S100Z: variants seen among roughly 807,000 people sequenced by gnomAD.
The protein encoded by S100Z is S100 calcium binding protein Z.
Under a neutral mutation model 8.5 loss-of-function variants are expected in S100Z, and 11 were observed. That is an observed-to-expected ratio of 1.30 (90% CI 0.82 to 2.15). S100Z has a LOEUF of 2.15. S100Z is among the 30% of genes most tolerant of loss of function. The probability of loss-of-function intolerance (pLI) is 0.00; values close to 1 mark genes in which losing one functional copy is unlikely to be tolerated. For synonymous variants in S100Z, 34 were observed against 43.8 expected (o/e 0.78, Z 0.89); for missense variants, 126 against 117.9 (o/e 1.07, Z -0.32).
intron 1 of S100Z, among the ~76,000 whole-genome samples, chr5:76,865,173 G>A (rs74416490): frequency 0.014 from 2,187 of 152,032 alleles, 62 homozygotes; most frequent in African/African-American, 0.05. Context: ...ATGTAGAGAC[G>A]GAACACAGCA....
chr5:76,935,101 C>T, the S100Z span, among the ~76,000 whole-genome samples: 1 of 152,088 alleles, frequency 6.6e-6, no homozygotes, highest in African/African-American at 2.4e-5. Flanking sequence ...AATGTAGCAT[C>T]TCAATGTCTG....
intron 4 of S100Z, among the ~76,000 whole-genome samples, chr5:76,899,145 G>C (rs1744146412): frequency 6.6e-6 from 1 of 151,970 alleles, no homozygotes; most frequent in South Asian, 2.1e-4. Flanking sequence ...GTTTCTCCAG[G>C]CTGGCCTTGA....
intron 4 of S100Z, among the ~76,000 whole-genome samples, chr5:76,902,366 A>G (rs1744256730): frequency 6.6e-6 from 1 of 152,182 alleles, no homozygotes. Context: ...GCTCTGCTGA[A>G]TTTGATCCAG....
Position 76,910,706 on chromosome 5 carries a change from C to T in S100Z, c.*3-10011C>T, listed in dbSNP as rs183192564. Among the ~76,000 whole-genome samples the T allele has an allele frequency of 9.2e-5, 14 of 152,272 alleles. No individual in the cohort carries two copies. The East Asian group carries it at 2.3e-3, about 25-fold the overall frequency. On this transcript the variant is annotated intron_variant, in intron 4 of 4. Coordinates refer to ENST00000317593, the MANE Select transcript of S100Z (RefSeq NM_130772.4). ...GGACTGAGGGTGCCTGGGGCAAGCG[C>T]CAGCTCATGTCATCACCCTCACTGA...
chr5:76,867,244 C>T (rs1354376555), intron 1 of S100Z, among the ~76,000 whole-genome samples: 1 of 152,148 alleles, frequency 6.6e-6, no homozygotes, highest in Admixed American at 6.5e-5. Flanking sequence ...TTCTGAGGTC[C>T]GTCCCTCCCA....
chr5:76,922,418 G>A (rs1745063976), downstream of S100Z, among the ~76,000 whole-genome samples: 2 of 152,178 alleles, frequency 1.3e-5, no homozygotes, highest in African/African-American at 2.4e-5. Flanking sequence ...AAAATAAGAT[G>A]ACCTTTGTTC....
chr5:76,884,340 T>G (rs937449734), intron 4 of S100Z, among the ~76,000 whole-genome samples: 2 of 152,214 alleles, frequency 1.3e-5, no homozygotes, highest in Non-Finnish European at 2.9e-5. Flanking sequence ...GGAATCTGCC[T>G]GATAGTTCCA....
chr5:76,937,595 TA>T, the S100Z span, among the ~76,000 whole-genome samples: 26 of 149,284 alleles, frequency 1.7e-4, no homozygotes, highest in Admixed American at 4.0e-4. Context: ...GTCTCTACCA[TA>T]AAAAAAAATA....
At position 76,893,690 on chromosome 5, in the gene S100Z, A is replaced by T. The variant is rs138389285; in HGVS notation, c.*2+15856A>T. Among the ~76,000 whole-genome samples the T allele has an allele frequency of 4.2e-3, 646 of 152,306 alleles. 4 individuals are homozygous for T. The highest frequency in any genetic ancestry group is 0.015 in the African/African-American group (616 of 41,570). ...ATACTCCCCTCGCCCTGAGGAAAAC[A>T]CTTTCTTAGGGACTAAAAAGAGATT... On this transcript the variant is annotated intron_variant, in intron 4 of 4. Coordinates refer to ENST00000317593, the MANE Select transcript of S100Z (RefSeq NM_130772.4).
At chr5:76,858,438 G>A (rs536849978) in intron 1 of S100Z, among the ~76,000 whole-genome samples, 14 of 152,168 alleles carry the variant, frequency 9.2e-5, no homozygotes, top group East Asian at 3.9e-4. Flanking sequence ...CAGGAGGATC[G>A]CTTGAACCTG....
chr5:76,945,256 G>A, the S100Z span, among the ~76,000 whole-genome samples: 1 of 152,156 alleles, frequency 6.6e-6, no homozygotes, highest in Non-Finnish European at 1.5e-5. Flanking sequence ...GAAAGCTGCA[G>A]GGACCTCTGC....
intron 1 of S100Z, among the ~76,000 whole-genome samples, chr5:76,860,463 T>A (rs1318001654): frequency 6.6e-6 from 1 of 152,150 alleles, no homozygotes; most frequent in Non-Finnish European, 1.5e-5. Flanking sequence ...CCCGACCCTC[T>A]CAGCTGCTCA....
the S100Z span, among the ~76,000 whole-genome samples, chr5:76,929,305 G>A: frequency 6.6e-6 from 1 of 152,182 alleles, no homozygotes. Flanking sequence ...TTGCAAATGA[G>A]GCTTTGATTT....
chr5:76,887,997 T>G (rs2150657138), intron 4 of S100Z, among the ~76,000 whole-genome samples: 1 of 152,014 alleles, frequency 6.6e-6, no homozygotes, highest in East Asian at 2.0e-4. Context: ...GTGGCTCACA[T>G]CTGTAATCCC....
At chr5:76,928,916 A>T in the S100Z span, among the ~76,000 whole-genome samples, 2 of 152,142 alleles carry the variant, frequency 1.3e-5, no homozygotes, top group East Asian at 3.9e-4. Context: ...ATTTTTAAAC[A>T]TTTTTCGTAG....
the S100Z span, among the ~76,000 whole-genome samples, chr5:76,935,279 T>G: frequency 2.0e-5 from 3 of 152,218 alleles, no homozygotes; most frequent in Non-Finnish European, 4.4e-5. Flanking sequence ...TTAGCTAAAA[T>G]TATTTGCATA....
chr5:76,909,285 G>A (rs1053445747), intron 4 of S100Z, among the ~76,000 whole-genome samples: 3 of 152,076 alleles, frequency 2.0e-5, no homozygotes, highest in Non-Finnish European at 4.4e-5. Context: ...AAGCCAATGG[G>A]ACCAATTTGA....
chr5:76,851,728 C>T (rs1370846910), intron 1 of S100Z, among the ~76,000 whole-genome samples: 1 of 152,060 alleles, frequency 6.6e-6, no homozygotes, highest in Non-Finnish European at 1.5e-5. Context: ...GTCCTGTGGT[C>T]AGTTTATTTA....
chr5:76,943,458 A>G, the S100Z span, among the ~76,000 whole-genome samples: 1 of 152,216 alleles, frequency 6.6e-6, no homozygotes, highest in Non-Finnish European at 1.5e-5. Context: ...AGAGTGTCAA[A>G]GAATTTGCAG....
Sources: allele counts gnomAD v4.1 joint callset (sites outside exome capture counted in the v4.1 genomes callset), GRCh38; gene constraint gnomAD v4.1.1; transcripts MANE v1.5; gene names NCBI Gene and HGNC (gene_info 2026-07-23, HGNC 2026-07-21).